The following ARAP2 variants were observed in gnomAD, a reference collection of about 807,000 sequenced individuals.
ARAP2 encodes ArfGAP with RhoGAP domain, ankyrin repeat and PH domain 2.
A neutral mutation model predicts 194.5 loss-of-function variants in ARAP2; 148 were observed. The ratio of observed to expected loss-of-function variants is 0.76; its 90% CI spans 0.67 to 0.87. The LOEUF is 0.87. ARAP2 is among the 40% of genes least tolerant of loss of function. ARAP2 has a pLI of 0.00. For missense variants in ARAP2, 2,128 were observed against 1,989.7 expected, an observed-to-expected ratio of 1.07 and a Z score of -1.32; for synonymous variants, 695 against 683.5, an observed-to-expected ratio of 1.02 and a Z score of -0.26.
intron 19 of ARAP2, among the ~76,000 whole-genome samples, chr4:36,142,577 G>A (rs1728599964): frequency 6.6e-6 from 1 of 151,496 alleles, no homozygotes; most frequent in Non-Finnish European, 1.5e-5. Flanking sequence ...TATGGAGTAT[G>A]TATTCTCACT....
chr4:36,118,476 C>G (rs1380306907), intron 24 of ARAP2, among the ~76,000 whole-genome samples: 1 of 151,272 alleles, frequency 6.6e-6, no homozygotes, highest in Non-Finnish European at 1.5e-5. Context: ...TTTTCCCAGA[C>G]TCTTTTACTT....
intron 2 of ARAP2, 89 bp downstream of exon 2, chr4:36,228,487 CAAATTT>C: frequency 7.5e-7 from 1 of 1,332,976 alleles, no homozygotes. Flanking sequence ...TGAATACAGT[CAAATTT>C]AGATAGGAAC....
At chr4:36,223,698 A>G (rs1382410766) in intron 2 of ARAP2, among the ~76,000 whole-genome samples, 1 of 147,928 alleles carries the variant, frequency 6.8e-6, no homozygotes, top group Non-Finnish European at 1.5e-5. Context: ...GTAGCCTTCT[A>G]AAAACAGAAA....
intron 2 of ARAP2, among the ~76,000 whole-genome samples, chr4:36,225,898 CA>C (rs1237232274): frequency 6.6e-6 from 1 of 152,048 alleles, no homozygotes; most frequent in African/African-American, 2.4e-5. Flanking sequence ...CAATCAATAT[CA>C]ATATCATTGA....
intron 10 of ARAP2, among the ~76,000 whole-genome samples, chr4:36,166,512 T>C (rs929932898): frequency 1.4e-4 from 22 of 152,086 alleles, no homozygotes; most frequent in Admixed American, 6.5e-5. Context: ...GGAAATCATA[T>C]GGAACAAATG....
chr4:36,044,267 A>G (rs962805557), intron 5 of ARAP2, among the ~76,000 whole-genome samples: 29 of 152,200 alleles, frequency 1.9e-4, no homozygotes, highest in East Asian at 1.5e-3. Flanking sequence ...CTCGATTAGA[A>G]GTAGTTTGTT....
At chr4:36,032,288 G>C (rs570508045) in intron 5 of ARAP2, among the ~76,000 whole-genome samples, 1 of 152,176 alleles carries the variant, frequency 6.6e-6, no homozygotes, top group Non-Finnish European at 1.5e-5. Flanking sequence ...AGAGATTCTC[G>C]CTAAAGACAG....
intron 1 of ARAP2, among the ~76,000 whole-genome samples, chr4:36,236,326 G>A (rs1752445691): frequency 6.6e-6 from 1 of 152,090 alleles, no homozygotes; most frequent in African/African-American, 2.4e-5. Flanking sequence ...AGTTGAACAA[G>A]GAAAGCAAAC....
chr4:36,147,192 A>G, intron 19 of ARAP2, 104 bp downstream of exon 19: 1 of 1,004,234 alleles, frequency 1.0e-6, no homozygotes, highest in South Asian at 1.5e-5. Flanking sequence ...GAAAATTTCA[A>G]CAGGTTTTAA....
rs185198158 is a variant in ARAP2 at position 36,114,283 on chromosome 4, G to T, written c.4043C>A (p.Ser1348Tyr). The T allele has an allele frequency of 1.3e-6, 2 of 1,557,416 alleles. No homozygotes were observed. The highest frequency in any genetic ancestry group is 3.5e-5 in the Admixed American group (2 of 56,816). The change falls in exon 26 of 33, where the codon TCT (serine) becomes TAT (tyrosine). Residue 1348 changes from serine (S) to tyrosine (Y), a missense_variant. Ser to Tyr is a moderately radical substitution (Grantham distance 144). Transcript: ENST00000303965. The stretch of plus-strand genomic sequence containing the variant: ...TAATTCTTCTGCTTCCATCACAGGA[G>T]ATATCTGTAAGAGAAGTAATATTTT... ...EPDCSIIIRI[S>Y]PVMEAEELTN...
At chr4:36,125,635 G>C (rs766668440) in intron 21 of ARAP2, among the ~76,000 whole-genome samples, 4 of 151,918 alleles carry the variant, frequency 2.6e-5, no homozygotes, top group African/African-American at 9.7e-5. Context: ...TTTATGGAGA[G>C]AAGGATGAGA....
At chr4:36,194,134 C>G (rs1458320903) in intron 6 of ARAP2, among the ~76,000 whole-genome samples, 1 of 151,946 alleles carries the variant, frequency 6.6e-6, no homozygotes, top group East Asian at 1.9e-4. Context: ...TGAAAAAGAC[C>G]TGAACAAATA....
intron 6 of ARAP2, among the ~76,000 whole-genome samples, chr4:36,202,330 C>G (rs1371132804): frequency 2.6e-5 from 4 of 152,100 alleles, no homozygotes; most frequent in Admixed American, 2.6e-4. Flanking sequence ...AATGCCAGCA[C>G]TTCTCTATTC....
At chr4:36,023,694 C>T (rs908236667) in intron 5 of ARAP2, among the ~76,000 whole-genome samples, 2 of 152,064 alleles carry the variant, frequency 1.3e-5, no homozygotes, top group African/African-American at 2.4e-5. Context: ...GCAGTGAACT[C>T]GACAACATGC....
At chr4:36,008,606 G>A in intron 9 of ARAP2, among the ~76,000 whole-genome samples, 1 of 151,892 alleles carries the variant, frequency 6.6e-6, no homozygotes, top group Non-Finnish European at 1.5e-5. Flanking sequence ...AGAAACCCTA[G>A]GAAGCACCCT....
chr4:36,188,259 C>A (rs1264388342), intron 7 of ARAP2, among the ~76,000 whole-genome samples: 2 of 152,134 alleles, frequency 1.3e-5, no homozygotes, highest in Non-Finnish European at 2.9e-5. Context: ...AACTACTGCA[C>A]AATTTCAACT....
chr4:36,107,849 G>T (rs1268379048), intron 26 of ARAP2, among the ~76,000 whole-genome samples, 156 bp from the exon 27 acceptor site: 1 of 151,746 alleles, frequency 6.6e-6, no homozygotes, highest in Admixed American at 6.6e-5. Flanking sequence ...ATAGCACTAT[G>T]ACTATGTAAA....
intron 6 of ARAP2, among the ~76,000 whole-genome samples, chr4:36,208,347 C>T (rs771641294): frequency 7.9e-5 from 12 of 152,302 alleles, no homozygotes; most frequent in East Asian, 5.8e-4. Flanking sequence ...CCTCATTCAT[C>T]GGCTTACGTA....
intron 1 of ARAP2, among the ~76,000 whole-genome samples, chr4:36,234,459 T>A (rs952678213): frequency 1.3e-5 from 2 of 152,214 alleles, no homozygotes; most frequent in East Asian, 3.9e-4. Flanking sequence ...GGTTTCAACA[T>A]ACAAATCGGG....
Sources: gnomAD v4.1 joint callset for allele counts (sites outside exome capture counted in the v4.1 genomes callset) on GRCh38, gnomAD v4.1.1 for gene constraint, MANE v1.5 for transcripts, NCBI Gene and HGNC (gene_info 2026-07-23, HGNC 2026-07-21) for gene names.